The following LTA4H variants were observed in gnomAD, a reference collection of about 807,000 sequenced individuals.
LTA4H encodes the protein leukotriene A4 hydrolase.
Under a neutral mutation model 89.8 loss-of-function variants are expected in LTA4H, and 59 were observed. The observed-to-expected ratio is 0.66, with a 90% CI of 0.53 to 0.82. The LOEUF (loss-of-function observed/expected upper bound fraction) is 0.82. Ranked by LOEUF, LTA4H falls within the 40% of genes least tolerant of loss-of-function variation. The pLI, the probability that LTA4H is intolerant of heterozygous loss-of-function variation, is 0.00. For missense variants in LTA4H, 617 were observed against 727.0 expected (o/e 0.85, Z 1.74); for synonymous variants, 227 against 253.1 (o/e 0.90, Z 0.98).
chr12:96,024,668 G>GTT, intron 3 of LTA4H, 121 bp from the exon 4 acceptor site: 2 of 562,628 alleles, frequency 3.6e-6, no homozygotes, highest in Admixed American at 3.2e-5. Flanking sequence ...CATTTCTTGG[G>GTT]ATTTTTTTTT....
At chr12:96,035,267 C>A in intron 1 of LTA4H, 94 bp downstream of exon 1, 5 of 1,333,982 alleles carry the variant, frequency 3.7e-6, no homozygotes, top group Non-Finnish European at 5.1e-6. Flanking sequence ...GGGGCCGCGG[C>A]GGGGTGAGCC....
chr12:96,004,244 T>A (rs571349468), intron 16 of LTA4H, among the ~76,000 whole-genome samples: 1 of 152,362 alleles, frequency 6.6e-6, no homozygotes, highest in South Asian at 2.1e-4. Context: ...TTATTCTCTA[T>A]AACTTATATA....
At chr12:96,009,559 C>G (rs1259036592) in intron 14 of LTA4H, 1 of 169,062 alleles carries the variant, frequency 5.9e-6, no homozygotes, top group African/African-American at 2.4e-5. Context: ...TTCCAAACAT[C>G]TAATCATCTA....
In LTA4H at chr12:96,035,554, G is replaced by C. The variant is rs554427060; in HGVS notation, c.-35C>G. The C allele has an allele frequency of 2.6e-6, 4 of 1,565,884 alleles. No individual in the cohort carries two copies. The East Asian group carries it at 9.3e-5, about 36-fold the overall frequency. ...GGATCACACAGCACAGCGACCTACA[G>C]CCCAACGCTCAGCTACCAGACTCGT... On this transcript the variant is annotated 5_prime_UTR_variant, in exon 1 of 19. Coordinates refer to ENST00000228740, the MANE Select transcript of LTA4H (RefSeq NM_000895.3).
chr12:96,002,558 G>T (rs1950121168), intron 18 of LTA4H, among the ~76,000 whole-genome samples: 1 of 151,924 alleles, frequency 6.6e-6, no homozygotes, highest in Non-Finnish European at 1.5e-5. Flanking sequence ...ACCTACCCTT[G>T]ACCTCTATGC....
At chr12:96,013,140 T>C (rs1950328049) in intron 14 of LTA4H, 48 bp downstream of exon 14, 1 of 1,392,964 alleles carries the variant, frequency 7.2e-7, no homozygotes. Context: ...TGAGGCTCTC[T>C]AGGAGTTAGG....
At chr12:96,015,124 TG>T in intron 11 of LTA4H, 125 bp from the exon 12 acceptor site, 1 of 758,056 alleles carries the variant, frequency 1.3e-6, no homozygotes, top group Non-Finnish European at 2.1e-6. Flanking sequence ...ACTTGGAGAC[TG>T]GAACACTAGG....
chr12:96,022,085 G>T lies in LTA4H; in HGVS notation c.585+62C>A. On this transcript the variant is annotated intron_variant, in intron 5 of 18. Transcript: ENST00000228740. The surrounding 1 kb of genome is among the most constrained non-coding windows in gnomAD (Gnocchi z 4.0). Reference sequence around the variant, plus strand: ...TCAAAAGTAATTTTGCCCTCTGGATGTGTACAAGCTAACTGTAGTTTACCG... The same window carrying T: ...TCAAAAGTAATTTTGCCCTCTGGATTTGTACAAGCTAACTGTAGTTTACCG... 1 of 1,012,334 alleles carries T rather than the reference G, an allele frequency of 9.9e-7. No homozygotes were observed. The highest frequency in any genetic ancestry group is 1.5e-6 in the Non-Finnish European group (1 of 650,062). 62.7% of individuals were successfully genotyped at this position (1,012,334 alleles called of 1,614,324 possible).
At chr12:96,035,313 G>C in intron 1 of LTA4H, 48 bp downstream of exon 1, 1 of 1,565,798 alleles carries the variant, frequency 6.4e-7, no homozygotes. Context: ...AGGGTCGAGG[G>C]GCAGGGAGCC....
At chr12:96,026,538 T>G (rs1215048853) in intron 3 of LTA4H, among the ~76,000 whole-genome samples, 3 of 152,236 alleles carry the variant, frequency 2.0e-5, no homozygotes, top group African/African-American at 7.2e-5. Flanking sequence ...ATTTGTACAC[T>G]CTTGCGTAGA....
upstream of LTA4H, among the ~76,000 whole-genome samples, chr12:96,038,363 G>A (rs1332298663): frequency 1.3e-5 from 2 of 152,118 alleles, no homozygotes; most frequent in East Asian, 3.9e-4. Flanking sequence ...AATTCATAGG[G>A]TGTAAGAATT....
Position 96,000,977 on chromosome 12 carries a change from AT to A in LTA4H, c.*11del. ...AAAAGAGAAATCTCTAAAATCATCA[AT>A]ACGCAGGTCTTTAATCCACTTTTAA... is the stretch of plus-strand genomic sequence containing the variant. On this transcript the variant is annotated 3_prime_UTR_variant, in exon 19 of 19. Coordinates refer to ENST00000228740, the MANE Select transcript of LTA4H (RefSeq NM_000895.3). 2 of 1,517,654 alleles carry A rather than the reference AT, an allele frequency of 1.3e-6. No individual in the cohort carries two copies. The highest frequency in any genetic ancestry group is 2.3e-5 in the East Asian group (1 of 44,418). The allele number at this position is 1,517,654 out of a possible 1,614,324, so 94.0% of individuals were successfully genotyped here.
chr12:96,016,960 C>G lies in LTA4H; in HGVS notation c.947+84G>C, dbSNP rs955322828. 12 of 913,386 alleles carry G rather than the reference C, an allele frequency of 1.3e-5. No individual in the cohort carries two copies. In the Admixed American group the frequency reaches 1.5e-4, roughly 11 times the overall value. The allele number at this position is 913,386 out of a possible 1,614,324, so 56.6% of individuals were successfully genotyped here. On this transcript the variant is annotated intron_variant, in intron 10 of 18. Coordinates refer to ENST00000228740, the MANE Select transcript of LTA4H (RefSeq NM_000895.3). ...ATAACAAAGAAAAACAAGAGATACACACAAAACAATTCAGAGTGGTAGGAG... is the reference window on the plus strand; with the variant it reads ...ATAACAAAGAAAAACAAGAGATACAGACAAAACAATTCAGAGTGGTAGGAG...
intron 12 of LTA4H, 106 bp from the exon 13 acceptor site, chr12:96,013,959 C>G (rs749651709): frequency 1.9e-5 from 11 of 586,434 alleles, no homozygotes; most frequent in Non-Finnish European, 3.4e-5. Flanking sequence ...AGAGAACATT[C>G]AGAGAATAGG....
chr12:96,042,127 C>T (rs1950692382), intron 1 of LTA4H, among the ~76,000 whole-genome samples: 1 of 151,720 alleles, frequency 6.6e-6, no homozygotes, highest in Admixed American at 6.6e-5. Context: ...GGACCACAGG[C>T]ACAAGCCACT....
intron 11 of LTA4H, 54 bp from the exon 12 acceptor site, chr12:96,015,053 G>T: frequency 6.5e-7 from 1 of 1,531,902 alleles, no homozygotes; most frequent in Non-Finnish European, 8.9e-7. Flanking sequence ...CTATCACCAC[G>T]CAAATAAGCT....
At chr12:96,018,973 T>A in intron 7 of LTA4H, 70 bp from the exon 8 acceptor site, 1 of 1,378,972 alleles carries the variant, frequency 7.3e-7, no homozygotes, top group Non-Finnish European at 9.9e-7. Context: ...AAATTGTATA[T>A]TGCTTTCTAT....
At chr12:96,019,771 T>A (rs1230333238) in intron 6 of LTA4H, among the ~76,000 whole-genome samples, 12 of 151,722 alleles carry the variant, frequency 7.9e-5, no homozygotes, top group African/African-American at 2.9e-4. Context: ...TTTTCTTTTT[T>A]TTGTATTTTT....
intron 1 of LTA4H, among the ~76,000 whole-genome samples, chr12:96,034,379 T>G (rs953096363): frequency 1.3e-5 from 2 of 152,180 alleles, no homozygotes; most frequent in African/African-American, 4.8e-5. Context: ...AGCAAGAACA[T>G]TAAATATAGG....
Sources: gnomAD v4.1 joint callset for allele counts (sites outside exome capture counted in the v4.1 genomes callset) on GRCh38, gnomAD v4.1.1 for gene constraint, Gnocchi (gnomAD v3.1) non-coding constraint, MANE v1.5 for transcripts, NCBI Gene and HGNC (gene_info 2026-07-23, HGNC 2026-07-21) for gene names.